Variants in MAGI1 observed in about 807,000 individuals in gnomAD.
MAGI1 encodes the protein membrane associated guanylate kinase, WW and PDZ domain containing 1, also known as membrane-associated guanylate kinase, WW and PDZ domain-containing protein 1.
Under a neutral mutation model 139.9 loss-of-function variants are expected in MAGI1, and 58 were observed. That is an observed-to-expected ratio of 0.41 (90% CI 0.34 to 0.52). The LOEUF (loss-of-function observed/expected upper bound fraction) is 0.52. MAGI1 is among the 20% of genes least tolerant of loss of function. The probability of loss-of-function intolerance (pLI) is 0.12; values close to 1 mark genes in which losing one functional copy is unlikely to be tolerated. For missense variants in MAGI1, 1,874 were observed against 1,901.6 expected, an observed-to-expected ratio of 0.99 and a Z score of 0.27; for synonymous variants, 812 against 737.9, an observed-to-expected ratio of 1.10 and a Z score of -1.63.
intron 13 of MAGI1, among the ~76,000 whole-genome samples, chr3:65,397,938 G>T (rs575026309): frequency 6.6e-6 from 1 of 152,004 alleles, no homozygotes; most frequent in African/African-American, 2.4e-5. Flanking sequence ...TTGGCACTGG[G>T]TCTGGCACAC....
At chr3:65,657,485 GA>G (rs1274573941) in intron 1 of MAGI1, among the ~76,000 whole-genome samples, 1 of 151,794 alleles carries the variant, frequency 6.6e-6, no homozygotes, top group Admixed American at 6.6e-5. Flanking sequence ...AGGAGTGGGG[GA>G]AGTGTCCTCT....
intron 1 of MAGI1, among the ~76,000 whole-genome samples, chr3:65,653,457 T>C (rs916940914): frequency 4.6e-5 from 7 of 152,164 alleles, no homozygotes; most frequent in Non-Finnish European, 1.5e-5. Flanking sequence ...CCTGCAAGCT[T>C]CCGTGTTATC....
Position 65,706,948 on chromosome 3 carries a change from T to C in MAGI1, c.314-84860A>G, listed in dbSNP as rs563201800. Among the ~76,000 whole-genome samples the C allele has an allele frequency of 5.3e-5, 8 of 152,216 alleles. No homozygotes were observed. The East Asian group carries it at 1.5e-3, about 29-fold the overall frequency. On this transcript the variant is annotated intron_variant, in intron 1 of 22. Coordinates refer to ENST00000402939, the MANE Select transcript of MAGI1 (RefSeq NM_001033057.2). ...TCCTATAATTCCATCTCACAAGACA[T>C]AAACAAAAAATGTCCATACCAAAAC...
intron 7 of MAGI1, among the ~76,000 whole-genome samples, chr3:65,444,727 C>T (rs6763617): frequency 0.3 from 45,101 of 151,800 alleles, 7,721 homozygotes; most frequent in East Asian, 0.7. Flanking sequence ...AGAAGGTACC[C>T]GTGACTTCTT....
chr3:65,694,428 G>A (rs563769979), intron 1 of MAGI1, among the ~76,000 whole-genome samples: 4 of 143,518 alleles, frequency 2.8e-5, no homozygotes, highest in Middle Eastern at 3.4e-3. Flanking sequence ...TATGCCTGGC[G>A]GGTAGTAAGT....
At chr3:65,501,330 T>C (rs2107700841) in intron 2 of MAGI1, among the ~76,000 whole-genome samples, 1 of 151,416 alleles carries the variant, frequency 6.6e-6, no homozygotes, top group East Asian at 2.0e-4. Flanking sequence ...AATAGAAAAA[T>C]TAGTGGTGGC....
At chr3:65,685,732 C>T (rs531978584) in intron 1 of MAGI1, among the ~76,000 whole-genome samples, 24 of 152,196 alleles carry the variant, frequency 1.6e-4, no homozygotes, top group Admixed American at 1.5e-3. Context: ...TTCAGGAAAA[C>T]TGAACTTCAG....
chr3:65,396,002 G>A (rs951229408), intron 13 of MAGI1, among the ~76,000 whole-genome samples: 2 of 152,088 alleles, frequency 1.3e-5, no homozygotes, highest in African/African-American at 4.8e-5. Flanking sequence ...AGTTACCCAG[G>A]AAAAGAACAA....
At chr3:65,771,429 G>A (rs887260746) in intron 1 of MAGI1, among the ~76,000 whole-genome samples, 5 of 152,092 alleles carry the variant, frequency 3.3e-5, no homozygotes, top group African/African-American at 1.2e-4. Context: ...TAGCACCATG[G>A]GCAAGTGAGT....
intron 1 of MAGI1, among the ~76,000 whole-genome samples, chr3:65,795,607 C>T (rs919861490): frequency 5.3e-5 from 8 of 151,754 alleles, no homozygotes; most frequent in African/African-American, 1.7e-4. Context: ...ACTTGTAAAT[C>T]TCCAATTATC....
chr3:65,703,695 T>C (rs2089772344), intron 1 of MAGI1, among the ~76,000 whole-genome samples: 1 of 152,178 alleles, frequency 6.6e-6, no homozygotes, highest in Non-Finnish European at 1.5e-5. Context: ...CCAAAGAATA[T>C]ACACAGGCTT....
intron 1 of MAGI1, among the ~76,000 whole-genome samples, chr3:65,974,073 T>A (rs1210834804): frequency 6.6e-6 from 1 of 152,058 alleles, no homozygotes; most frequent in South Asian, 2.1e-4. Context: ...AAAGGAAAGG[T>A]ACAGAAAAAT....
chr3:65,818,248 T>A (rs559899930), intron 1 of MAGI1, among the ~76,000 whole-genome samples: 2 of 152,218 alleles, frequency 1.3e-5, no homozygotes, highest in Non-Finnish European at 2.9e-5. Context: ...CTGTGCTATT[T>A]TGGTTAGTTT....
chr3:65,664,376 G>A (rs1391235682), intron 1 of MAGI1, among the ~76,000 whole-genome samples: 1 of 152,158 alleles, frequency 6.6e-6, no homozygotes, highest in Non-Finnish European at 1.5e-5. Flanking sequence ...CAGAGAATAT[G>A]TATATGTATA....
intron 3 of MAGI1, among the ~76,000 whole-genome samples, chr3:65,482,077 T>C (rs1468418113): frequency 6.6e-6 from 1 of 152,172 alleles, no homozygotes; most frequent in African/African-American, 2.4e-5. Flanking sequence ...ATCTAATGAG[T>C]GGCCCATGAG....
At chr3:65,734,558 A>G (rs2034539832) in intron 1 of MAGI1, among the ~76,000 whole-genome samples, 1 of 141,982 alleles carries the variant, frequency 7.0e-6, no homozygotes. Flanking sequence ...AGAGAGAAAG[A>G]AAGAGAGAGA....
At chr3:65,937,375 T>C (rs1273644423) in intron 1 of MAGI1, among the ~76,000 whole-genome samples, 1 of 152,176 alleles carries the variant, frequency 6.6e-6, no homozygotes, top group Non-Finnish European at 1.5e-5. Context: ...GTGCTCAGTG[T>C]TCAGCTACGG....
At chr3:65,737,056 G>C (rs7627689) in intron 1 of MAGI1, among the ~76,000 whole-genome samples, 5,382 of 151,852 alleles carry the variant, frequency 0.035, 290 homozygotes, top group African/African-American at 0.12. Flanking sequence ...CTAGGCTGGA[G>C]TGCAGTGGCG....
chr3:65,972,193 C>T (rs1456453585), intron 1 of MAGI1, among the ~76,000 whole-genome samples: 6 of 152,176 alleles, frequency 3.9e-5, no homozygotes, highest in African/African-American at 1.4e-4. Flanking sequence ...AAGAAGTCCA[C>T]ACACACTAGC....
Sources: gnomAD v4.1 joint callset for allele counts (sites outside exome capture counted in the v4.1 genomes callset) on GRCh38, gnomAD v4.1.1 for gene constraint, MANE v1.5 for transcripts, NCBI Gene and HGNC (gene_info 2026-07-23, HGNC 2026-07-21) for gene names.